Variants in FER1L5 observed in about 807,000 individuals in gnomAD.
FER1L5 encodes the protein fer-1 like family member 5.
A neutral mutation model predicts 279.9 loss-of-function variants in FER1L5; 187 were observed. That is an observed-to-expected ratio of 0.67 (90% CI 0.59 to 0.75). The LOEUF is 0.75. FER1L5 is among the 30% of genes least tolerant of loss of function. The probability of loss-of-function intolerance (pLI) is 0.00; values close to 1 mark genes in which losing one functional copy is unlikely to be tolerated. For missense variants in FER1L5, 2,091 were observed against 2,594.4 expected, an observed-to-expected ratio of 0.81 and a Z score of 4.21; for synonymous variants, 921 against 989.7, an observed-to-expected ratio of 0.93 and a Z score of 1.30.
At chr2:96,696,528 A>C (rs2077386038) in intron 37 of FER1L5, among the ~76,000 whole-genome samples, 1 of 151,922 alleles carries the variant, frequency 6.6e-6, no homozygotes, top group African/African-American at 2.4e-5. Context: ...TCTTGTCCTC[A>C]GGTGATGCAC....
intron 9 of FER1L5, among the ~76,000 whole-genome samples, chr2:96,659,619 G>C (rs1429078810): frequency 6.7e-6 from 1 of 149,906 alleles, no homozygotes; most frequent in Non-Finnish European, 1.5e-5. Flanking sequence ...AACCTCCCTA[G>C]TAGCTGAGAC....
rs1298288403 is a variant in FER1L5, at chr2:96,702,348, C to A, written c.5202C>A (p.Asp1734Glu). 2 of 1,613,150 alleles carry A rather than the reference C, an allele frequency of 1.2e-6. No homozygotes were observed. The highest frequency in any genetic ancestry group is 1.7e-5 in the Admixed American group (1 of 59,928). Reference sequence around the variant, plus strand: ...TCATCTGGAAGACTGCCAATGTGGACCTGGTGGATGACAATTTAAGTAGAG... The same window carrying A: ...TCATCTGGAAGACTGCCAATGTGGAACTGGTGGATGACAATTTAAGTAGAG... ...RCIIWKTANVDLVDDNLSREK... is the reference protein window; with the variant it reads ...RCIIWKTANVELVDDNLSREK... Residue 1734 changes from aspartate to glutamate, a missense_variant, in exon 47 of 53, where the codon GAC (aspartate) becomes GAA (glutamate). Transcript: ENST00000624922. The surrounding 1 kb of genome is among the most constrained non-coding windows in gnomAD (Gnocchi z 4.0).
At chr2:96,688,198 C>T (rs2077006533) in intron 24 of FER1L5, among the ~76,000 whole-genome samples, 1 of 152,168 alleles carries the variant, frequency 6.6e-6, no homozygotes, top group East Asian at 1.9e-4. Context: ...GTTGATGCTC[C>T]ATACACGTGT....
chr2:96,670,173 G>C lies in FER1L5; in HGVS notation c.1417G>C (p.Glu473Gln), dbSNP rs372587766. The C allele has an allele frequency of 2.9e-4, 457 of 1,551,482 alleles. No homozygotes were observed. Among genetic ancestry groups the C allele is most frequent in the Non-Finnish European group, 3.6e-4 (417 of 1,146,988 alleles). Reference protein sequence around the residue: ...GLAYRGRVFLELITQIKSYQD... With the variant: ...GLAYRGRVFLQLITQIKSYQD... ...AGCTTATCGAGGCCGAGTCTTCCTG[G>C]AGTTAATCACCCAAATCAAGTCCTA... The change falls in exon 18 of 53, where the codon GAG (glutamate) becomes CAG (glutamine). Residue 473 changes from glutamate (E) to glutamine (Q), a missense_variant. Physicochemically the swap from Glu to Gln is conservative, Grantham distance 29. Coordinates refer to ENST00000624922, the MANE Select transcript of FER1L5 (RefSeq NM_001293083.2).
At position 96,650,186 on chromosome 2, in the gene FER1L5, A is replaced by G. The variant is rs1277036777; in HGVS notation, c.401A>G (p.Glu134Gly). The stretch of plus-strand genomic sequence containing the variant: ...CTGCACTGTGTCTCCCCAGGAGCTG[A>G]AGACCACCTGGGCATAACGGCAAGA... Reference protein sequence around the residue: ...SNQDIEKTGAEDHLGITAREA... With the variant: ...SNQDIEKTGAGDHLGITAREA... The change falls in exon 6 of 53, where the codon GAA becomes GGA. Residue 134 changes from glutamate (E) to glycine (G), a missense_variant. Physicochemically the swap from Glu to Gly is moderately conservative, Grantham distance 98 (BLOSUM62 -2). Coordinates refer to ENST00000624922, the MANE Select transcript of FER1L5 (RefSeq NM_001293083.2). 4 of 1,551,432 alleles carry G rather than the reference A, an allele frequency of 2.6e-6. No individual in the cohort carries two copies. The highest frequency in any genetic ancestry group is 3.5e-6 in the Non-Finnish European group (4 of 1,146,854).
intron 11 of FER1L5, 55 bp downstream of exon 11, chr2:96,661,495 C>T: frequency 6.6e-7 from 1 of 1,522,370 alleles, no homozygotes; most frequent in Non-Finnish European, 8.9e-7. Context: ...CCTGGGGGCA[C>T]CCCTGGGCCT....
chr2:96,700,034 A>G lies in FER1L5; in HGVS notation c.4884A>G (p.Glu1628=), dbSNP rs1412447648. The G allele has an allele frequency of 1.2e-6, 2 of 1,613,988 alleles. No homozygotes were observed. The change falls in exon 44 of 53, where the codon GAA becomes GAG. Residue 1628 remains glutamate, a synonymous_variant. Transcript: ENST00000624922. ...CTCCGCCTCTGTTCAGTCCTGAGGAAGATGCTGTTTTCTATAATGGGAAAA... is the reference window on the plus strand; with the variant it reads ...CTCCGCCTCTGTTCAGTCCTGAGGAGGATGCTGTTTTCTATAATGGGAAAA... The part of the protein sequence containing the change: ...GLPPPLFSPE[E]DAVFYNGKKF...
Position 96,653,843 on chromosome 2 carries a change from C to T in FER1L5, c.696+141C>T, listed in dbSNP as rs550451839. On this transcript the variant is annotated intron_variant, in intron 8 of 52. Coordinates refer to ENST00000624922, the MANE Select transcript of FER1L5 (RefSeq NM_001293083.2). ...TGATCCCCACCACTTTCTTCACCCC[C>T]TGGCACCCAGATTATTCATTCATTT... 4.6e-5 allele frequency: 29 copies of T among 635,256 alleles called. No homozygotes were observed. In the Admixed American group the frequency reaches 8.4e-4, roughly 18 times the overall value. 39.4% of individuals were successfully genotyped at this position (635,256 alleles called of 1,614,324 possible).
intron 10 of FER1L5, among the ~76,000 whole-genome samples, chr2:96,660,713 C>A (rs2075921877): frequency 6.6e-6 from 1 of 152,182 alleles, no homozygotes; most frequent in African/African-American, 2.4e-5. Flanking sequence ...TGCCACCACA[C>A]CCAGCTAATT....
chr2:96,689,242 G>A lies in FER1L5; in HGVS notation c.2391G>A (p.Gln797=), dbSNP rs943706620. The change falls in exon 25 of 53, where the codon CAG becomes CAA. Residue 797 remains glutamine, a synonymous_variant. Transcript: ENST00000624922. The surrounding 1 kb of genome is among the most constrained non-coding windows in gnomAD (Gnocchi z 4.6). The stretch of plus-strand genomic sequence containing the variant: ...AGAATCAGGCCAAGTATAAAGACCA[G>A]TGGGGGCAGCAGGGGCTGTATCACT... ...MYENQAKYKD[Q]WGQQGLYHCP... 2 of 1,550,758 alleles carry A rather than the reference G, an allele frequency of 1.3e-6. No homozygotes were observed. Among genetic ancestry groups the A allele is most frequent in the South Asian group, 1.2e-5 (1 of 84,010 alleles).
At chr2:96,699,787 G>A in intron 43 of FER1L5, 67 bp downstream of exon 43, 1 of 1,594,590 alleles carries the variant, frequency 6.3e-7, no homozygotes. Flanking sequence ...CAGCTCCCTT[G>A]GGAGAAGCCT....
At chr2:96,651,042 C>G (rs1177796471) in intron 6 of FER1L5, among the ~76,000 whole-genome samples, 1 of 152,232 alleles carries the variant, frequency 6.6e-6, no homozygotes, top group African/African-American at 2.4e-5. Context: ...AGATGTCACT[C>G]TTATCATGCC....
intron 4 of FER1L5, 39 bp downstream of exon 4, chr2:96,647,925 A>G: frequency 6.7e-7 from 1 of 1,484,410 alleles, no homozygotes; most frequent in Non-Finnish European, 9.2e-7. Context: ...GGGTGGCTGG[A>G]GGAATGAGGG....
chr2:96,670,045 C>T, intron 17 of FER1L5, 74 bp from the exon 18 acceptor site: 4 of 1,538,236 alleles, frequency 2.6e-6, no homozygotes, highest in Non-Finnish European at 3.5e-6. Flanking sequence ...GTCTTTGCCT[C>T]AGGGGTTTCA....
chr2:96,659,358 C>CTTTCTTTCTTTCTTTCT (rs1558853573), intron 9 of FER1L5, among the ~76,000 whole-genome samples: 3 of 60,582 alleles, frequency 5.0e-5, no homozygotes, highest in Non-Finnish European at 9.1e-5. Flanking sequence ...TCCTTCCTTC[C>CTTTCTTTCTTTCTTTCT]TTCCTTCTTT....
chr2:96,688,036 G>T (rs2076998629), intron 24 of FER1L5, 89 bp downstream of exon 24: 1 of 1,504,034 alleles, frequency 6.6e-7, no homozygotes, highest in African/African-American at 1.4e-5. Flanking sequence ...CCTCCCTGCA[G>T]GGGATTTGGC....
intron 18 of FER1L5, among the ~76,000 whole-genome samples, chr2:96,670,761 G>T (rs143021851): frequency 6.6e-6 from 1 of 151,388 alleles, no homozygotes; most frequent in Admixed American, 6.6e-5. Context: ...ACTCCAGGCT[G>T]GGCAACAAAG....
intron 19 of FER1L5, among the ~76,000 whole-genome samples, chr2:96,679,228 GTTTTT>G (rs764195563): frequency 1.4e-5 from 2 of 143,578 alleles, no homozygotes; most frequent in South Asian, 2.2e-4. Flanking sequence ...CACACCTATA[GTTTTT>G]TTTTTTTTTG....
In FER1L5 at chr2:96,691,871, C is replaced by G. The variant is rs758245036; in HGVS notation, c.3122C>G (p.Thr1041Arg). 6.4e-7 allele frequency: 1 copy of G among 1,551,568 alleles called. No individual in the cohort carries two copies. Among genetic ancestry groups the G allele is most frequent in the South Asian group, 1.2e-5 (1 of 84,062 alleles). ...YHAGKEEDSK[T>R]WPWGLDRQFR... The stretch of plus-strand genomic sequence containing the variant: ...GCTGGGAAGGAAGAGGACAGCAAGA[C>G]ATGGCCATGGGGTCTGGACAGACAG... The change falls in exon 30 of 53, where the codon ACA (threonine) becomes AGA (arginine). Residue 1041 changes from threonine to arginine, a missense_variant. Thr to Arg is a moderately conservative substitution (Grantham distance 71). Coordinates refer to ENST00000624922, the MANE Select transcript of FER1L5 (RefSeq NM_001293083.2). This position sits in a 1 kb window ranked among gnomAD's most constrained non-coding sequence, Gnocchi z 6.0.
Sources: allele counts gnomAD v4.1 joint callset (sites outside exome capture counted in the v4.1 genomes callset), GRCh38; gene constraint gnomAD v4.1.1; non-coding constraint Gnocchi (gnomAD v3.1); transcripts MANE v1.5; gene names NCBI Gene and HGNC (gene_info 2026-07-23, HGNC 2026-07-21).